The following SERGEF variants were observed in gnomAD, a reference collection of about 807,000 sequenced individuals.
The protein encoded by SERGEF is secretion regulating guanine nucleotide exchange factor, also known as secretion-regulating guanine nucleotide exchange factor.
SERGEF carries 51 observed loss-of-function variants against 50.0 expected under a neutral mutation model. The ratio of observed to expected loss-of-function variants is 1.02; its 90% CI spans 0.81 to 1.29. SERGEF has a LOEUF of 1.29. Ranked by LOEUF, SERGEF falls within the 50% of genes most tolerant of loss-of-function variation. SERGEF has a pLI of 0.00. For missense variants in SERGEF, 521 were observed against 557.0 expected, an observed-to-expected ratio of 0.94 and a Z score of 0.65; for synonymous variants, 205 against 212.4, an observed-to-expected ratio of 0.97 and a Z score of 0.30.
At chr11:17,958,284 G>A (rs1035636792) in intron 9 of SERGEF, among the ~76,000 whole-genome samples, 2 of 152,162 alleles carry the variant, frequency 1.3e-5, no homozygotes, top group Non-Finnish European at 2.9e-5. Context: ...AATTACAGAA[G>A]TCTCACTAGC....
chr11:17,850,228 C>T (rs1850687824), intron 10 of SERGEF, among the ~76,000 whole-genome samples: 1 of 152,164 alleles, frequency 6.6e-6, no homozygotes, highest in South Asian at 2.1e-4. Flanking sequence ...CCAAAGGCCC[C>T]ACTCCCAGCA....
intron 10 of SERGEF, among the ~76,000 whole-genome samples, chr11:17,814,706 C>G (rs909804179): frequency 6.6e-6 from 1 of 152,170 alleles, no homozygotes; most frequent in African/African-American, 2.4e-5. Flanking sequence ...CATGTATCAC[C>G]CTAGGTCTGT....
chr11:17,882,137 C>T (rs181708788), intron 9 of SERGEF, among the ~76,000 whole-genome samples: 34 of 152,278 alleles, frequency 2.2e-4, no homozygotes, highest in Middle Eastern at 3.4e-3. Flanking sequence ...ACTGCTCAGC[C>T]GGGTGTGGTG....
chr11:17,864,608 G>A (rs564996477), intron 10 of SERGEF, among the ~76,000 whole-genome samples: 2 of 152,270 alleles, frequency 1.3e-5, no homozygotes, highest in South Asian at 2.1e-4. Context: ...TGCCCCAAGC[G>A]GCCAGGTGTG....
chr11:17,995,428 A>G (rs1215320505), intron 6 of SERGEF, among the ~76,000 whole-genome samples: 3 of 152,108 alleles, frequency 2.0e-5, no homozygotes, highest in Non-Finnish European at 4.4e-5. Context: ...CTATACAAGT[A>G]CCCCGGTGCT....
intron 9 of SERGEF, among the ~76,000 whole-genome samples, chr11:17,935,691 T>A (rs749095241): frequency 6.6e-6 from 1 of 152,160 alleles, no homozygotes. Context: ...TCAGGAACCA[T>A]TCATTCACTC....
chr11:17,850,154 C>T (rs947652301), intron 10 of SERGEF, among the ~76,000 whole-genome samples: 1 of 152,134 alleles, frequency 6.6e-6, no homozygotes, highest in Non-Finnish European at 1.5e-5. Flanking sequence ...AATAACTAAC[C>T]TACTCCCACA....
chr11:17,922,785 A>G (rs996445534), intron 9 of SERGEF, among the ~76,000 whole-genome samples: 1 of 152,216 alleles, frequency 6.6e-6, no homozygotes, highest in African/African-American at 2.4e-5. Flanking sequence ...TGGAAACTAA[A>G]TAACATACCA....
chr11:18,002,330 T>C (rs1353130218), intron 4 of SERGEF, among the ~76,000 whole-genome samples: 1 of 152,160 alleles, frequency 6.6e-6, no homozygotes, highest in Non-Finnish European at 1.5e-5. Flanking sequence ...TCCATCTTCC[T>C]ATCTGACCTC....
At chr11:17,847,595 T>C (rs1245253387) in intron 10 of SERGEF, among the ~76,000 whole-genome samples, 1 of 152,198 alleles carries the variant, frequency 6.6e-6, no homozygotes, top group African/African-American at 2.4e-5. Flanking sequence ...AGGAGCCCAA[T>C]AATGAAGCTA....
At chr11:17,791,540 C>A (rs1193474689) in intron 10 of SERGEF, among the ~76,000 whole-genome samples, 2 of 152,150 alleles carry the variant, frequency 1.3e-5, no homozygotes, top group African/African-American at 2.4e-5. Flanking sequence ...AAAATAATTA[C>A]AATGTTTATC....
At chr11:17,852,834 C>A (rs1294127174) in intron 10 of SERGEF, among the ~76,000 whole-genome samples, 1 of 152,170 alleles carries the variant, frequency 6.6e-6, no homozygotes, top group African/African-American at 2.4e-5. Context: ...GGTCCAAGGT[C>A]AGACCGTGGG....
chr11:17,834,113 G>A (rs1295188366), intron 10 of SERGEF, among the ~76,000 whole-genome samples: 2 of 152,152 alleles, frequency 1.3e-5, no homozygotes, highest in Non-Finnish European at 2.9e-5. Context: ...GAATTCCCAC[G>A]TGTTGTGACA....
At chr11:17,940,166 A>AG (rs768635581) in intron 9 of SERGEF, among the ~76,000 whole-genome samples, 8 of 152,206 alleles carry the variant, frequency 5.3e-5, no homozygotes, top group Non-Finnish European at 1.2e-4. Flanking sequence ...TGGGTTCAAC[A>AG]GGGAAGTTAG....
At chr11:17,914,123 G>C (rs1391940768) in intron 9 of SERGEF, among the ~76,000 whole-genome samples, 5 of 152,298 alleles carry the variant, frequency 3.3e-5, no homozygotes, top group Admixed American at 1.3e-4. Context: ...ACTACTTGCT[G>C]ATCCCTGAAC....
At chr11:17,968,741 T>C (rs1252093770) in intron 8 of SERGEF, among the ~76,000 whole-genome samples, 1 of 149,300 alleles carries the variant, frequency 6.7e-6, no homozygotes, top group African/African-American at 2.5e-5. Flanking sequence ...CTCCCTCCCA[T>C]CATGGAGCTT....
At chr11:17,982,963 G>C (rs1853521318) in intron 8 of SERGEF, among the ~76,000 whole-genome samples, 1 of 152,164 alleles carries the variant, frequency 6.6e-6, no homozygotes, top group Non-Finnish European at 1.5e-5. Flanking sequence ...CTTTCTCTCT[G>C]CTTGGTTTCA....
chr11:17,912,308 A>C (rs972976577), intron 9 of SERGEF, among the ~76,000 whole-genome samples: 3 of 152,254 alleles, frequency 2.0e-5, no homozygotes, highest in Non-Finnish European at 4.4e-5. Flanking sequence ...AAAACATTTC[A>C]GAACCAGAAA....
intron 5 of SERGEF, among the ~76,000 whole-genome samples, chr11:17,998,665 T>C (rs971293269): frequency 1.3e-5 from 2 of 151,180 alleles, no homozygotes; most frequent in South Asian, 2.1e-4. Context: ...ATAGGGGCTA[T>C]GGAATGCAAT....
Sources: allele counts gnomAD v4.1 joint callset (sites outside exome capture counted in the v4.1 genomes callset), GRCh38; gene constraint gnomAD v4.1.1; transcripts MANE v1.5; gene names NCBI Gene and HGNC (gene_info 2026-07-23, HGNC 2026-07-21).